RCN1: variants seen among roughly 807,000 people sequenced by gnomAD.
RCN1 encodes the protein reticulocalbin-1.
Under a neutral mutation model 34.7 loss-of-function variants are expected in RCN1, and 14 were observed. The ratio of observed to expected loss-of-function variants is 0.40; its 90% CI spans 0.27 to 0.63. The LOEUF is 0.63. Ranked by LOEUF, RCN1 falls within the 30% of genes least tolerant of loss-of-function variation. The pLI is 0.37. For synonymous variants in RCN1, 125 were observed against 165.5 expected (o/e 0.76, Z 1.88); for missense variants, 326 against 425.1 (o/e 0.77, Z 2.05).
At chr11:32,098,324 C>T in intron 2 of RCN1, 26 bp from the exon 3 acceptor site, 1 of 1,588,446 alleles carries the variant, frequency 6.3e-7, no homozygotes, top group Non-Finnish European at 8.6e-7. Context: ...GGTTTAAAAA[C>T]ATTTCTGCAT....
In RCN1 at chr11:32,103,435, A is replaced by G; in HGVS notation, c.843A>G (p.Ala281=). Reference sequence around the variant, plus strand: ...TCCTCCCTCAAGATTATGATCATGCACAGGCTGAGGCCAGGCATCTGGTAT... The same window carrying G: ...TCCTCCCTCAAGATTATGATCATGCGCAGGCTGAGGCCAGGCATCTGGTAT... ...HWILPQDYDH[A]QAEARHLVYE... Residue 281 remains alanine, a synonymous_variant, in exon 5 of 6, where the codon GCA becomes GCG. Coordinates refer to ENST00000054950, the MANE Select transcript of RCN1 (RefSeq NM_002901.4). 1 of 1,614,034 alleles carries G rather than the reference A, an allele frequency of 6.2e-7. No homozygotes were observed. The highest frequency in any genetic ancestry group is 1.3e-5 in the African/African-American group (1 of 75,056).
chr11:32,104,035 CA>C (rs933893927), intron 5 of RCN1, among the ~76,000 whole-genome samples: 3 of 152,196 alleles, frequency 2.0e-5, no homozygotes, highest in Non-Finnish European at 4.4e-5. Context: ...TGCCAACAGT[CA>C]GTTTAGGCAG....
intron 1 of RCN1, among the ~76,000 whole-genome samples, chr11:32,093,140 A>C (rs1851939318): frequency 1.3e-5 from 2 of 152,038 alleles, no homozygotes; most frequent in Non-Finnish European, 2.9e-5. Context: ...GGATTTGGAA[A>C]ACTTTATAAG....
In RCN1 at chr11:32,091,518, C is replaced by A. The variant is rs1590216334; in HGVS notation, c.254+68C>A. 36 of 1,508,654 alleles carry A rather than the reference C, an allele frequency of 2.4e-5. 1 individual carries two copies. In the East Asian group the frequency reaches 9.5e-4, roughly 40 times the overall value. 93.5% of individuals were successfully genotyped at this position (1,508,654 alleles called of 1,614,324 possible). On this transcript the variant is annotated intron_variant, in intron 1 of 5. Coordinates refer to ENST00000054950, the MANE Select transcript of RCN1 (RefSeq NM_002901.4). Reference sequence around the variant, plus strand: ...CCGAGGGCCGCCTGGGCGAGAGCCACGCGGGATACCACCGCCAAAGCGAAA... The same window carrying A: ...CCGAGGGCCGCCTGGGCGAGAGCCAAGCGGGATACCACCGCCAAAGCGAAA...
rs1358038963 is a variant in RCN1 at position 32,098,357 on chromosome 11, C to T, written c.456C>T (p.Pro152=). The change falls in exon 3 of 6, where the codon CCC becomes CCT. Residue 152 remains proline, a synonymous_variant. Coordinates refer to ENST00000054950, the MANE Select transcript of RCN1 (RefSeq NM_002901.4). ...CATACATACATCCTGCAGGAAACCCCGCAGAGTTTCATGATTCTTCAGATC... is the reference window on the plus strand; with the variant it reads ...CATACATACATCCTGCAGGAAACCCTGCAGAGTTTCATGATTCTTCAGATC... ...QATYGYYLGN[P]AEFHDSSDHH... 15 of 1,610,042 alleles carry T rather than the reference C, an allele frequency of 9.3e-6. No homozygotes were observed. Among genetic ancestry groups the T allele is most frequent in the East Asian group, 6.7e-5 (3 of 44,854 alleles).
rs1852072226 is a variant in RCN1 at position 32,103,478 on chromosome 11, A to C, written c.886A>C (p.Lys296Gln). The C allele has an allele frequency of 6.2e-7, 1 of 1,612,644 alleles. No individual in the cohort carries two copies. Among genetic ancestry groups the C allele is most frequent in the Non-Finnish European group, 8.5e-7 (1 of 1,178,612 alleles). Residue 296 changes from lysine (K) to glutamine (Q), a missense_variant and splice_region_variant, in exon 5 of 6, where the codon AAG (lysine) becomes CAG (glutamine). Lys to Gln is a moderately conservative substitution (Grantham distance 53, BLOSUM62 1). Transcript: ENST00000054950. ...TCTGGTATATGAATCAGACAAAAAC[A>C]AGGTATTTCCCATTCTTCTGGAATC... Reference protein sequence around the residue: ...RHLVYESDKNKDEKLTKEEIL... With the variant: ...RHLVYESDKNQDEKLTKEEIL...
chr11:32,104,320 A>C, intron 5 of RCN1, 45 bp from the exon 6 acceptor site: 1 of 1,114,896 alleles, frequency 9.0e-7, no homozygotes, highest in Non-Finnish European at 1.4e-6. Flanking sequence ...GAACTAGTAC[A>C]GTTACCAGAG....
chr11:32,095,468 C>T (rs537692746), intron 1 of RCN1, among the ~76,000 whole-genome samples: 16 of 152,082 alleles, frequency 1.1e-4, no homozygotes, highest in African/African-American at 3.9e-4. Flanking sequence ...AGTGCAGTGG[C>T]GTGATCTCGG....
chr11:32,103,583 C>T (rs1852073540), intron 5 of RCN1, 103 bp downstream of exon 5: 2 of 964,864 alleles, frequency 2.1e-6, no homozygotes, highest in Non-Finnish European at 3.3e-6. Context: ...GTGGCCATGT[C>T]TTTATTGACT....
At chr11:32,091,997 TAA>T (rs1284670200) in intron 1 of RCN1, among the ~76,000 whole-genome samples, 1 of 152,034 alleles carries the variant, frequency 6.6e-6, no homozygotes, top group Non-Finnish European at 1.5e-5. Flanking sequence ...AATCGCCCTG[TAA>T]ATCTATCGTA....
At chr11:32,102,691 G>A (rs1388001604) in intron 4 of RCN1, 1 of 246,946 alleles carries the variant, frequency 4.0e-6, no homozygotes, top group Non-Finnish European at 7.8e-6. Flanking sequence ...TGAAAGCAGA[G>A]TGACCATGTT....
rs771721732 is a variant in RCN1, at chr11:32,091,242, C to T, written c.46C>T (p.Leu16=). The change falls in exon 1 of 6, where the codon CTG becomes TTG. Residue 16 remains leucine, a synonymous_variant. Coordinates refer to ENST00000054950, the MANE Select transcript of RCN1 (RefSeq NM_002901.4). ...CCGCCGCCTGGGGTTAGCCCTGGGGCTGCTGCTGGCGCTGGTGCTGGCGCC... is the reference window on the plus strand; with the variant it reads ...CCGCCGCCTGGGGTTAGCCCTGGGGTTGCTGCTGGCGCTGGTGCTGGCGCC... ...RGRRLGLALG[L]LLALVLAPRV... The T allele has an allele frequency of 1.0e-5, 16 of 1,530,588 alleles. No individual in the cohort carries two copies. The highest frequency in any genetic ancestry group is 1.4e-5 in the Non-Finnish European group (16 of 1,139,370). 94.8% of individuals were successfully genotyped at this position (1,530,588 alleles called of 1,614,324 possible).
At chr11:32,098,932 G>A (rs182603927) in intron 3 of RCN1, among the ~76,000 whole-genome samples, 3 of 152,228 alleles carry the variant, frequency 2.0e-5, no homozygotes, top group Admixed American at 6.5e-5. Context: ...TTACTCTTCC[G>A]GCCAGGGAAT....
intron 1 of RCN1, among the ~76,000 whole-genome samples, chr11:32,092,922 A>G (rs1018909536): frequency 1.3e-5 from 2 of 152,224 alleles, no homozygotes; most frequent in Non-Finnish European, 2.9e-5. Flanking sequence ...GCCTGCTCTG[A>G]TAAAAAGACC....
chr11:32,094,936 C>A (rs1311588392), intron 1 of RCN1, among the ~76,000 whole-genome samples: 1 of 152,176 alleles, frequency 6.6e-6, no homozygotes, highest in African/African-American at 2.4e-5. Flanking sequence ...TTTATTCTTA[C>A]AACAAATATT....
chr11:32,097,426 C>A, intron 2 of RCN1, 89 bp downstream of exon 2: 1 of 924,788 alleles, frequency 1.1e-6, no homozygotes, highest in Non-Finnish European at 1.5e-6. Flanking sequence ...TATCCACTCC[C>A]TTCAGGGAGA....
intron 5 of RCN1, 52 bp downstream of exon 5, chr11:32,103,532 G>A: frequency 6.5e-7 from 1 of 1,542,700 alleles, no homozygotes; most frequent in Non-Finnish European, 9.0e-7. Context: ...GTTTACATAA[G>A]ATCGGTTTTG....
Position 32,103,453 on chromosome 11 carries a change from T to C in RCN1, c.861T>C (p.His287=). The part of the protein sequence containing the change: ...DYDHAQAEAR[H]LVYESDKNKD... Reference sequence around the variant, plus strand: ...ATCATGCACAGGCTGAGGCCAGGCATCTGGTATATGAATCAGACAAAAACA... The same window carrying C: ...ATCATGCACAGGCTGAGGCCAGGCACCTGGTATATGAATCAGACAAAAACA... Residue 287 remains histidine (H), a synonymous_variant, in exon 5 of 6, where the codon CAT becomes CAC. Coordinates refer to ENST00000054950, the MANE Select transcript of RCN1 (RefSeq NM_002901.4). 1 of 1,613,930 alleles carries C rather than the reference T, an allele frequency of 6.2e-7. No homozygotes were observed. Among genetic ancestry groups the C allele is most frequent in the South Asian group, 1.1e-5 (1 of 91,074 alleles).
intron 5 of RCN1, among the ~76,000 whole-genome samples, chr11:32,104,159 C>G (rs898218971): frequency 6.6e-6 from 1 of 152,168 alleles, no homozygotes; most frequent in South Asian, 2.1e-4. Flanking sequence ...TTCCCTGACA[C>G]GTTAGCACGG....
Sources: gnomAD v4.1 joint callset for allele counts (sites outside exome capture counted in the v4.1 genomes callset) on GRCh38, gnomAD v4.1.1 for gene constraint, MANE v1.5 for transcripts, NCBI Gene and HGNC (gene_info 2026-07-23, HGNC 2026-07-21) for gene names.